Variants in TTC7A observed in about 807,000 individuals in gnomAD.
The protein encoded by TTC7A is tetratricopeptide repeat domain 7A, also known as tetratricopeptide repeat protein 7A.
Under a neutral mutation model 103.7 loss-of-function variants are expected in TTC7A, and 110 were observed. The ratio of observed to expected loss-of-function variants is 1.06; its 90% CI spans 0.91 to 1.24. The LOEUF (loss-of-function observed/expected upper bound fraction) is 1.24, where lower values mean the gene tolerates loss of function less well. TTC7A is among the 50% of genes most tolerant of loss of function. The pLI, the probability that TTC7A is intolerant of heterozygous loss-of-function variation, is 0.00. For missense variants in TTC7A, 1,340 were observed against 1,116.3 expected (o/e 1.20, Z -2.86); for synonymous variants, 521 against 467.9 (o/e 1.11, Z -1.47).
intron 8 of TTC7A, chr2:46,999,701 AT>A: frequency 1.0e-6 from 1 of 985,382 alleles, no homozygotes; most frequent in Non-Finnish European, 1.2e-6. Context: ...AACCAGCCTG[AT>A]TTTCTGAGAC....
intron 15 of TTC7A, among the ~76,000 whole-genome samples, chr2:47,029,996 G>C (rs1163229123): frequency 6.6e-6 from 1 of 151,832 alleles, no homozygotes; most frequent in Non-Finnish European, 1.5e-5. Context: ...GGCCACCTGA[G>C]GTGAGAGGAT....
intron 6 of TTC7A, among the ~76,000 whole-genome samples, chr2:46,994,071 C>T (rs1675901707): frequency 6.6e-6 from 1 of 152,068 alleles, no homozygotes; most frequent in Non-Finnish European, 1.5e-5. Flanking sequence ...TGGGGCTGGG[C>T]TCCAAGGGGT....
intron 18 of TTC7A, chr2:47,054,244 C>G: frequency 1.2e-6 from 1 of 833,872 alleles, no homozygotes; most frequent in Non-Finnish European, 1.4e-6. Context: ...GTGCTTATTT[C>G]TTTCTCATGT....
intron 2 of TTC7A, among the ~76,000 whole-genome samples, chr2:46,933,627 T>C (rs1333749622): frequency 6.6e-6 from 1 of 152,216 alleles, no homozygotes. Context: ...TCTGAGCCAA[T>C]GATCATGGTA....
rs74601590 is a variant in TTC7A at position 46,918,340 on chromosome 2, T to C, written c.82+1063T>C. Among the ~76,000 whole-genome samples the C allele has an allele frequency of 2.5e-4, 38 of 152,286 alleles. 1 individual carries two copies. The East Asian group carries it at 7.3e-3, about 29-fold the overall frequency. On this transcript the variant is annotated intron_variant, in intron 2 of 20. Transcript: ENST00000409245. ...TGATGCTATCAAAATGTATCCTGAG[T>C]CTTTGACTTCTTTCCACCTCCACTA...
At chr2:46,944,458 C>T (rs917343819) in intron 1 of TTC7A, among the ~76,000 whole-genome samples, 4 of 133,250 alleles carry the variant, frequency 3.0e-5, no homozygotes, top group African/African-American at 1.1e-4. Flanking sequence ...TAGCTTACTA[C>T]ACACTCAAAC....
chr2:47,059,012 T>C (rs1343237118), intron 18 of TTC7A, among the ~76,000 whole-genome samples: 1 of 26,310 alleles, frequency 3.8e-5, no homozygotes, highest in Non-Finnish European at 8.3e-5. Context: ...AAGCCTGCTT[T>C]TTTTTTTTTT....
intron 19 of TTC7A, among the ~76,000 whole-genome samples, chr2:47,064,498 C>T (rs755949812): frequency 5.3e-5 from 8 of 152,198 alleles, no homozygotes; most frequent in Non-Finnish European, 1.0e-4. Flanking sequence ...TCCCAGAATG[C>T]GCAGGAGTCG....
chr2:46,963,439 C>G (rs1489802053), intron 3 of TTC7A, among the ~76,000 whole-genome samples: 3 of 152,252 alleles, frequency 2.0e-5, no homozygotes, highest in African/African-American at 7.2e-5. Context: ...AGGCTGCATT[C>G]CAGCCGGTAG....
At chr2:46,970,249 G>T (rs947057078) in intron 3 of TTC7A, among the ~76,000 whole-genome samples, 1 of 152,156 alleles carries the variant, frequency 6.6e-6, no homozygotes, top group African/African-American at 2.4e-5. Context: ...GGGCTTCCCA[G>T]TGTGCTGGGA....
chr2:46,984,864 G>A (rs1003092581), intron 5 of TTC7A, among the ~76,000 whole-genome samples: 28 of 152,194 alleles, frequency 1.8e-4, no homozygotes, highest in African/African-American at 7.2e-5. Context: ...ATTTTGGGGC[G>A]TGGAAGGACA....
chr2:47,063,213 A>G (rs1399503005), intron 19 of TTC7A, among the ~76,000 whole-genome samples: 2 of 152,156 alleles, frequency 1.3e-5, no homozygotes, highest in East Asian at 1.9e-4. Context: ...TTTAACTTGC[A>G]TGCTCCTGGT....
chr2:46,926,508 G>T (rs1015977352), intron 2 of TTC7A, among the ~76,000 whole-genome samples: 1 of 152,216 alleles, frequency 6.6e-6, no homozygotes, highest in African/African-American at 2.4e-5. Flanking sequence ...TAAAATAGAG[G>T]AGTGAATAGA....
chr2:47,064,021 C>G (rs908314491), intron 19 of TTC7A, among the ~76,000 whole-genome samples: 1 of 152,238 alleles, frequency 6.6e-6, no homozygotes, highest in Non-Finnish European at 1.5e-5. Flanking sequence ...TCTACTCTCC[C>G]TGTCCCCCTG....
chr2:47,015,876 T>C (rs1678598283), intron 11 of TTC7A, among the ~76,000 whole-genome samples: 1 of 151,806 alleles, frequency 6.6e-6, no homozygotes, highest in Non-Finnish European at 1.5e-5. Flanking sequence ...TGCCTACTAC[T>C]CCTCCCAGGG....
intron 14 of TTC7A, among the ~76,000 whole-genome samples, chr2:47,027,295 A>C (rs139930190): frequency 2.0e-5 from 3 of 152,178 alleles, no homozygotes; most frequent in Non-Finnish European, 4.4e-5. Context: ...CTGGACCCAC[A>C]GCACAAGGAG....
At position 46,975,610 on chromosome 2, in the gene TTC7A, A is replaced by G. The variant is rs531927782; in HGVS notation, c.648+507A>G. Among the ~76,000 whole-genome samples, 25 of 152,248 alleles carry G rather than the reference A, an allele frequency of 1.6e-4. No individual in the cohort carries two copies. In the South Asian group the frequency reaches 2.5e-3, roughly 15 times the overall value. On this transcript the variant is annotated intron_variant, in intron 4 of 19. Coordinates refer to ENST00000319190, the MANE Select transcript of TTC7A (RefSeq NM_020458.4). ...TGGTGGGTCTGGGTTAACTGTCTGCAGGGTATCAAGTACAGGTGGTAGCAG... is the reference window on the plus strand; with the variant it reads ...TGGTGGGTCTGGGTTAACTGTCTGCGGGGTATCAAGTACAGGTGGTAGCAG...
At chr2:46,952,422 T>TA (rs1671495375) in intron 2 of TTC7A, among the ~76,000 whole-genome samples, 1 of 152,232 alleles carries the variant, frequency 6.6e-6, no homozygotes, top group Non-Finnish European at 1.5e-5. Context: ...AGCCTTATTG[T>TA]AAAAATTCCA....
intron 10 of TTC7A, among the ~76,000 whole-genome samples, chr2:47,008,648 C>A (rs895927726): frequency 6.6e-6 from 1 of 152,200 alleles, no homozygotes; most frequent in Admixed American, 6.5e-5. Flanking sequence ...CCTTGGGAAC[C>A]CTGCCCACCA....
Sources: gnomAD v4.1 joint callset for allele counts (sites outside exome capture counted in the v4.1 genomes callset) on GRCh38, gnomAD v4.1.1 for gene constraint, MANE v1.5 for transcripts, NCBI Gene and HGNC (gene_info 2026-07-23, HGNC 2026-07-21) for gene names.